The following STXBP5L variants were observed in gnomAD, a reference collection of about 807,000 sequenced individuals.
STXBP5L encodes syntaxin-binding protein 5-like.
STXBP5L carries 65 observed loss-of-function variants against 144.5 expected under a neutral mutation model. The observed-to-expected ratio is 0.45, with a 90% CI of 0.37 to 0.55. The LOEUF (loss-of-function observed/expected upper bound fraction) is 0.55. Ranked by LOEUF, STXBP5L falls within the 20% of genes least tolerant of loss-of-function variation. The pLI, the probability that STXBP5L is intolerant of heterozygous loss-of-function variation, is 0.00. For synonymous variants in STXBP5L, 505 were observed against 469.6 expected (o/e 1.08, Z -0.97); for missense variants, 1,298 against 1,405.5 (o/e 0.92, Z 1.22).
intron 20 of STXBP5L, among the ~76,000 whole-genome samples, chr3:121,354,417 A>G (rs2108621099): frequency 6.7e-6 from 1 of 150,334 alleles, no homozygotes; most frequent in African/African-American, 2.4e-5. Flanking sequence ...GTTGAATTGA[A>G]CCCTTTGCCA....
intron 3 of STXBP5L, among the ~76,000 whole-genome samples, chr3:120,958,460 T>C (rs115771849): frequency 3.3e-5 from 5 of 151,898 alleles, no homozygotes; most frequent in Admixed American, 2.6e-4. Context: ...AACAAAAAAA[T>C]AGAATTTTAG....
chr3:121,412,920 G>A (rs985732150), intron 23 of STXBP5L, among the ~76,000 whole-genome samples: 1 of 151,932 alleles, frequency 6.6e-6, no homozygotes, highest in African/African-American at 2.4e-5. Context: ...TGTAGTTCCA[G>A]CTACTCAGGA....
At chr3:121,297,200 A>ATGTG (rs1377713743) in intron 19 of STXBP5L, among the ~76,000 whole-genome samples, 3 of 68,824 alleles carry the variant, frequency 4.4e-5, no homozygotes, top group East Asian at 4.7e-4. Flanking sequence ...ATTCTACATT[A>ATGTG]TATGTGTGTG....
At chr3:121,046,817 T>C (rs961964570) in intron 5 of STXBP5L, among the ~76,000 whole-genome samples, 3 of 152,172 alleles carry the variant, frequency 2.0e-5, no homozygotes, top group African/African-American at 7.2e-5. Flanking sequence ...CTTGTACTCA[T>C]TGATCTTTTG....
intron 3 of STXBP5L, among the ~76,000 whole-genome samples, chr3:121,041,065 T>C (rs537594640): frequency 6.6e-6 from 1 of 152,122 alleles, no homozygotes; most frequent in African/African-American, 2.4e-5. Context: ...TCATTCTTTT[T>C]TTTTTACCTT....
intron 5 of STXBP5L, among the ~76,000 whole-genome samples, chr3:121,062,616 C>T (rs1191661101): frequency 6.6e-6 from 1 of 152,210 alleles, no homozygotes; most frequent in Non-Finnish European, 1.5e-5. Flanking sequence ...CAACTTTCTT[C>T]TGTTCTCCCC....
At chr3:121,195,167 G>T (rs375093120) in intron 9 of STXBP5L, among the ~76,000 whole-genome samples, 1 of 151,720 alleles carries the variant, frequency 6.6e-6, no homozygotes, top group Non-Finnish European at 1.5e-5. Context: ...CTCGTGATCT[G>T]CCCACCTCGG....
intron 22 of STXBP5L, among the ~76,000 whole-genome samples, chr3:121,383,440 C>A (rs773967384): frequency 1.3e-5 from 2 of 151,926 alleles, no homozygotes; most frequent in African/African-American, 4.8e-5. Context: ...ATGTGCCACA[C>A]TTATACAAGA....
At chr3:121,284,792 T>C (rs1202891749) in intron 19 of STXBP5L, among the ~76,000 whole-genome samples, 1 of 152,118 alleles carries the variant, frequency 6.6e-6, no homozygotes, top group Non-Finnish European at 1.5e-5. Context: ...AAATCAAGTC[T>C]GTTGAAGGAC....
At chr3:121,208,966 T>C (rs540168328) in intron 10 of STXBP5L, among the ~76,000 whole-genome samples, 1 of 152,042 alleles carries the variant, frequency 6.6e-6, no homozygotes, top group Non-Finnish European at 1.5e-5. Context: ...CCCCTCCCTA[T>C]GTCCATGTAT....
chr3:121,357,847 G>A (rs1047606744), intron 20 of STXBP5L: 2 of 152,120 alleles, frequency 1.3e-5, no homozygotes, highest in Admixed American at 1.3e-4. Context: ...GCATACAAAA[G>A]AGCCACAACC....
chr3:121,027,267 T>C (rs2107487580), intron 3 of STXBP5L, among the ~76,000 whole-genome samples: 1 of 152,182 alleles, frequency 6.6e-6, no homozygotes, highest in African/African-American at 2.4e-5. Context: ...AAGAGAGTAC[T>C]CAAATTCATA....
chr3:121,085,655 T>A (rs962886458), intron 5 of STXBP5L, among the ~76,000 whole-genome samples: 1 of 152,160 alleles, frequency 6.6e-6, no homozygotes, highest in African/African-American at 2.4e-5. Flanking sequence ...TACAAACCAC[T>A]GCTCAAGGAA....
At position 121,059,162 on chromosome 3, in the gene STXBP5L, A is replaced by G. The variant is rs192238022; in HGVS notation, c.470+13627A>G. ...GTTAATCTTTGTATAAGGTGTAAGG[A>G]AGGGGTCCAGTTTCAGTTTTCAGGA... On this transcript the variant is annotated intron_variant, in intron 5 of 26. Transcript: ENST00000471454. 2.6e-5 allele frequency among the ~76,000 whole-genome samples: 4 copies of G among 152,224 alleles called. No individual in the cohort carries two copies. In the East Asian group the frequency reaches 7.7e-4, roughly 29 times the overall value.
At chr3:120,971,456 C>T (rs960541953) in intron 3 of STXBP5L, among the ~76,000 whole-genome samples, 2 of 151,942 alleles carry the variant, frequency 1.3e-5, no homozygotes, top group Non-Finnish European at 2.9e-5. Flanking sequence ...TGTGTACCCA[C>T]TGTTTAGCTT....
intron 3 of STXBP5L, among the ~76,000 whole-genome samples, chr3:120,958,970 T>C (rs1277263946): frequency 2.0e-5 from 3 of 152,242 alleles, no homozygotes; most frequent in Non-Finnish European, 4.4e-5. Flanking sequence ...AAATTGTCCC[T>C]GTTTGCAGGT....
At chr3:121,021,248 G>T (rs1315588820) in intron 3 of STXBP5L, among the ~76,000 whole-genome samples, 2 of 152,058 alleles carry the variant, frequency 1.3e-5, no homozygotes, top group African/African-American at 2.4e-5. Flanking sequence ...ACCCACACTG[G>T]AGCTCCCAAA....
intron 9 of STXBP5L, among the ~76,000 whole-genome samples, chr3:121,176,583 A>G (rs979841156): frequency 1.3e-5 from 2 of 151,846 alleles, no homozygotes; most frequent in Non-Finnish European, 2.9e-5. Context: ...GTAATCTCAA[A>G]TCAAAAATTT....
chr3:121,279,959 A>G lies in STXBP5L; in HGVS notation c.2110+3A>G, dbSNP rs771978218. 1 of 1,610,394 alleles carries G rather than the reference A, an allele frequency of 6.2e-7. No individual in the cohort carries two copies. Among genetic ancestry groups the G allele is most frequent in the Non-Finnish European group, 8.5e-7 (1 of 1,178,130 alleles). ...AAAAAACAAACAGTTCATTGCAGGT[A>G]GGAGATAAAACAAGATGAGTTATGA... is the stretch of plus-strand genomic sequence containing the variant. On this transcript the variant is annotated splice_donor_region_variant and intron_variant, in intron 19 of 26. Coordinates refer to ENST00000471454, the MANE Select transcript of STXBP5L (RefSeq NM_001308330.2).
Sources: gnomAD v4.1 joint callset for allele counts (sites outside exome capture counted in the v4.1 genomes callset) on GRCh38, gnomAD v4.1.1 for gene constraint, MANE v1.5 for transcripts, NCBI Gene and HGNC (gene_info 2026-07-23, HGNC 2026-07-21) for gene names.